Variants in FLYWCH1 observed in about 807,000 individuals in gnomAD.
The protein encoded by FLYWCH1 is FLYWCH-type zinc finger 1, also known as FLYWCH-type zinc finger-containing protein 1.
Under a neutral mutation model 66.4 loss-of-function variants are expected in FLYWCH1, and 75 were observed. The observed-to-expected ratio is 1.13, with a 90% CI of 0.94 to 1.37. The LOEUF (loss-of-function observed/expected upper bound fraction) is 1.37, where lower values mean the gene tolerates loss of function less well. FLYWCH1 is among the 40% of genes most tolerant of loss of function. FLYWCH1 has a pLI of 0.00. For synonymous variants in FLYWCH1, 595 were observed against 429.9 expected (o/e 1.38, Z -4.75); for missense variants, 1,334 against 1,001.8 (o/e 1.33, Z -4.48).
At position 2,949,531 on chromosome 16, in the gene FLYWCH1, A is replaced by G. The variant is rs1181297820; in HGVS notation, c.*804A>G. 6.6e-6 allele frequency: 1 copy of G among 152,204 alleles called. No individual in the cohort carries two copies. The highest frequency in any genetic ancestry group is 1.5e-5 in the Non-Finnish European group (1 of 68,068). 9.4% of individuals were successfully genotyped at this position (152,204 alleles called of 1,614,324 possible). On this transcript the variant is annotated 3_prime_UTR_variant, in exon 10 of 10. Transcript: ENST00000253928. ...AAAGGCGTGTCCCCTTCTGTCAGAC[A>G]GCTTCACAGAGTGTGGCTTCACCAG...
Position 2,938,383 on chromosome 16 carries a change from G to A in FLYWCH1, c.1977G>A (p.Gln659=). 1 of 1,570,830 alleles carries A rather than the reference G, an allele frequency of 6.4e-7. No individual in the cohort carries two copies. The highest frequency in any genetic ancestry group is 8.6e-7 in the Non-Finnish European group (1 of 1,156,980). ...TGGTCATGCGCAGCCACTGCCATCA[G>A]CCTGACCTGGCAGGCCTGGAGGCCT... ...RIMVMRSHCH[Q]PDLAGLEALR... is the part of the protein sequence containing the mutation. Residue 659 remains glutamine, a synonymous_variant, in exon 8 of 10, where the codon CAG becomes CAA. Coordinates refer to ENST00000253928, the MANE Select transcript of FLYWCH1 (RefSeq NM_001308068.2).
At chr16:2,935,659 C>T (rs932886221) in intron 6 of FLYWCH1, 6 of 152,292 alleles carry the variant, frequency 3.9e-5, no homozygotes, top group Admixed American at 3.3e-4. Context: ...CGTGGTGTCA[C>T]AGGTGCAGAG....
rs958025311 is a variant in FLYWCH1 at position 2,933,449 on chromosome 16, G to A, written c.1116G>A (p.Leu372=). The A allele has an allele frequency of 1.9e-6, 3 of 1,601,188 alleles. No individual in the cohort carries two copies. The highest frequency in any genetic ancestry group is 2.6e-6 in the Non-Finnish European group (3 of 1,174,784). ...VDTLLRGVDS[L]LYRRGPGPLT... ...CGCTGCTCCGAGGCGTGGATAGTTT[G>A]CTCTACCGCAGGGGTCCGGGTCCCC... The change falls in exon 5 of 10, where the codon TTG becomes TTA. Residue 372 remains leucine, a synonymous_variant. Coordinates refer to ENST00000253928, the MANE Select transcript of FLYWCH1 (RefSeq NM_001308068.2).
chr16:2,929,974 G>C lies in FLYWCH1; in HGVS notation c.289G>C (p.Glu97Gln), dbSNP rs772778422. Residue 97 changes from glutamate to glutamine, a missense_variant, in exon 3 of 10, where the codon GAG (glutamate) becomes CAG (glutamine). Transcript: ENST00000253928. ...EQGGVVQPAL[E>Q]MPEQKCSKLD... is the part of the protein sequence containing the mutation. ...GGGAGGGGTGGTCCAGCCAGCCCTA[G>C]AGATGCCTGAACAGAAGTGCAGCAA... The C allele has an allele frequency of 1.1e-5, 17 of 1,611,144 alleles. No individual in the cohort carries two copies. The highest frequency in any genetic ancestry group is 1.4e-5 in the Non-Finnish European group (16 of 1,178,156).
chr16:2,942,168 T>TAAAG (rs2071294625), intron 9 of FLYWCH1, among the ~76,000 whole-genome samples: 1 of 151,934 alleles, frequency 6.6e-6, no homozygotes, highest in Admixed American at 6.6e-5. Context: ...AAATCAGGAA[T>TAAAG]AAAGATGAGA....
intron 4 of FLYWCH1, among the ~76,000 whole-genome samples, chr16:2,931,627 T>C (rs1240614966): frequency 1.3e-5 from 2 of 151,348 alleles, no homozygotes; most frequent in Admixed American, 6.6e-5. Context: ...AAAAAAAAAA[T>C]CAGAATTTTA....
intron 2 of FLYWCH1, among the ~76,000 whole-genome samples, chr16:2,926,672 C>G (rs1462169045): frequency 6.6e-6 from 1 of 152,228 alleles, no homozygotes; most frequent in Non-Finnish European, 1.5e-5. Context: ...GCTCCAAAAT[C>G]TATTACAGAT....
chr16:2,922,732 C>G (rs2070418456), intron 2 of FLYWCH1: 1 of 503,934 alleles, frequency 2.0e-6, no homozygotes, highest in Admixed American at 2.0e-5. Context: ...GCCTTCTTCT[C>G]TCCATCAGGC....
intron 2 of FLYWCH1, among the ~76,000 whole-genome samples, chr16:2,923,913 C>T (rs1332243778): frequency 6.6e-6 from 1 of 152,062 alleles, no homozygotes; most frequent in African/African-American, 2.4e-5. Flanking sequence ...TTGGCGGGCA[C>T]CTGTAATCGC....
intron 2 of FLYWCH1, among the ~76,000 whole-genome samples, chr16:2,926,614 G>T (rs1359221119): frequency 6.6e-6 from 1 of 152,192 alleles, no homozygotes; most frequent in Non-Finnish European, 1.5e-5. Flanking sequence ...AATTAGACAA[G>T]GCTCTAAAGA....
At position 2,933,699 on chromosome 16, in the gene FLYWCH1, C is replaced by G; in HGVS notation, c.1250-17C>G. 6.2e-7 allele frequency: 1 copy of G among 1,606,976 alleles called. No homozygotes were observed. The highest frequency in any genetic ancestry group is 8.5e-7 in the Non-Finnish European group (1 of 1,176,306). On this transcript the variant is annotated splice_polypyrimidine_tract_variant and intron_variant, in intron 5 of 9. Transcript: ENST00000253928. Reference sequence around the variant, plus strand: ...AGCCCCTGTCCCCTCCCCTGACTGCCTCTTGAACCTCCCCAGGAGGCCCTG... The same window carrying G: ...AGCCCCTGTCCCCTCCCCTGACTGCGTCTTGAACCTCCCCAGGAGGCCCTG...
In FLYWCH1 at chr16:2,948,735, T is replaced by G. The variant is rs568248159; in HGVS notation, c.*8T>G. ...GATGGCGAGTCCCAGTGAGGCGATG[T>G]GGGCAGAGGAGCTCCGAGCCGCCCA... On this transcript the variant is annotated 3_prime_UTR_variant, in exon 10 of 10. Coordinates refer to ENST00000253928, the MANE Select transcript of FLYWCH1 (RefSeq NM_001308068.2). 6.2e-7 allele frequency: 1 copy of G among 1,613,844 alleles called. No individual in the cohort carries two copies. Among genetic ancestry groups the G allele is most frequent in the Admixed American group, 1.7e-5 (1 of 60,026 alleles).
Position 2,932,914 on chromosome 16 carries a change from C to T in FLYWCH1, c.797-216C>T, listed in dbSNP as rs189703978. On this transcript the variant is annotated intron_variant, in intron 4 of 9. Coordinates refer to ENST00000253928, the MANE Select transcript of FLYWCH1 (RefSeq NM_001308068.2). ...GGTGAGCTGGGGTGGCCTCACTGAC[C>T]GCTAGGAGAGGAATGAGACTCTCCT... Among the ~76,000 whole-genome samples, 334 of 151,270 alleles carry T rather than the reference C, an allele frequency of 2.2e-3. 2 individuals are homozygous for T. Among genetic ancestry groups the T allele is most frequent in the South Asian group, 7.1e-3 (33 of 4,660 alleles).
chr16:2,930,596 G>A lies in FLYWCH1; in HGVS notation c.512G>A (p.Gly171Asp), dbSNP rs538714501. Residue 171 changes from glycine (G) to aspartate (D), a missense_variant, in exon 4 of 10, where the codon GGC (glycine) becomes GAC (aspartate). Physicochemically the swap from Gly to Asp is moderately conservative, Grantham distance 94 (BLOSUM62 -1). Transcript: ENST00000253928. ...TRGLRATVMR[G>D]HCHAPDEQGL... ...GGCCTGCGGGCCACAGTGATGCGGG[G>A]CCACTGCCACGCGCCCGATGAGCAA... 5 of 1,553,774 alleles carry A rather than the reference G, an allele frequency of 3.2e-6. No homozygotes were observed. In the South Asian group the frequency reaches 5.9e-5, roughly 18 times the overall value.
chr16:2,937,040 G>A lies in FLYWCH1; in HGVS notation c.1514-81G>A, dbSNP rs991529063. 1.0e-5 allele frequency: 15 copies of A among 1,435,570 alleles called. No individual in the cohort carries two copies. In the African/African-American group the frequency reaches 1.6e-4, roughly 15 times the overall value. 88.9% of individuals were successfully genotyped at this position (1,435,570 alleles called of 1,614,324 possible). On this transcript the variant is annotated intron_variant, in intron 6 of 9. Transcript: ENST00000253928. The stretch of plus-strand genomic sequence containing the variant: ...TGTGAGGAGGAGGTGTGGGCGTTGT[G>A]GGAGGTCTCATCTCGGGGCCATGCT...
At chr16:2,924,843 T>C (rs1298279711) in intron 2 of FLYWCH1, among the ~76,000 whole-genome samples, 2 of 152,176 alleles carry the variant, frequency 1.3e-5, no homozygotes, top group Non-Finnish European at 2.9e-5. Flanking sequence ...TTTTCTTGTA[T>C]TGGAACTTTT....
chr16:2,947,880 T>A (rs1026565994), intron 9 of FLYWCH1, among the ~76,000 whole-genome samples: 106 of 149,650 alleles, frequency 7.1e-4, no homozygotes, highest in East Asian at 2.0e-3. Flanking sequence ...CAAAAAAAAA[T>A]TTTTTTTTTA....
intron 8 of FLYWCH1, among the ~76,000 whole-genome samples, chr16:2,938,844 C>G (rs1311350460): frequency 6.6e-6 from 1 of 151,620 alleles, no homozygotes; most frequent in Admixed American, 6.6e-5. Context: ...GATCTTCTGA[C>G]CTCGTGATCC....
At chr16:2,916,917 G>A (rs1219269234) in intron 2 of FLYWCH1, among the ~76,000 whole-genome samples, 1 of 151,662 alleles carries the variant, frequency 6.6e-6, no homozygotes, top group African/African-American at 2.4e-5. Context: ...GGCCGAGGGG[G>A]GTGGATCATG....
Sources: gnomAD v4.1 joint callset for allele counts (sites outside exome capture counted in the v4.1 genomes callset) on GRCh38, gnomAD v4.1.1 for gene constraint, MANE v1.5 for transcripts, NCBI Gene and HGNC (gene_info 2026-07-23, HGNC 2026-07-21) for gene names.